ATRNL1: variants seen among roughly 807,000 people sequenced by gnomAD.
ATRNL1 encodes attractin like 1.
ATRNL1 carries 95 observed loss-of-function variants against 182.7 expected under a neutral mutation model. The observed-to-expected ratio is 0.52, with a 90% CI of 0.44 to 0.62. ATRNL1 has a LOEUF of 0.62. ATRNL1 is among the 20% of genes least tolerant of loss of function. ATRNL1 has a pLI of 0.00. For synonymous variants in ATRNL1, 576 were observed against 568.3 expected, an observed-to-expected ratio of 1.01 and a Z score of -0.19; for missense variants, 1,471 against 1,679.5, an observed-to-expected ratio of 0.88 and a Z score of 2.17.
At chr10:115,601,146 G>C (rs1856574609) in intron 26 of ATRNL1, among the ~76,000 whole-genome samples, 1 of 151,774 alleles carries the variant, frequency 6.6e-6, no homozygotes. Flanking sequence ...TTACTTAAAA[G>C]TATTTTGTAT....
chr10:115,094,137 C>A, intron 1 of ATRNL1, 94 bp downstream of exon 1: 1 of 1,206,312 alleles, frequency 8.3e-7, no homozygotes, highest in Non-Finnish European at 1.1e-6. Context: ...GCCCCCGTCG[C>A]TGCCTCTGAT....
At chr10:115,344,792 A>C (rs1554939275) in intron 19 of ATRNL1, among the ~76,000 whole-genome samples, 1 of 152,154 alleles carries the variant, frequency 6.6e-6, no homozygotes. Context: ...CTCAACATAG[A>C]ACGTGGGTAT....
intron 26 of ATRNL1, among the ~76,000 whole-genome samples, chr10:115,566,622 T>A (rs142916035): frequency 2.0e-5 from 3 of 152,134 alleles, no homozygotes; most frequent in Non-Finnish European, 4.4e-5. Flanking sequence ...GAGTGGAGTA[T>A]GTAAGAAAGC....
intron 20 of ATRNL1, among the ~76,000 whole-genome samples, chr10:115,405,329 G>C (rs1353837034): frequency 6.6e-6 from 1 of 152,146 alleles, no homozygotes; most frequent in Non-Finnish European, 1.5e-5. Flanking sequence ...ATGCATGTGT[G>C]TTATAGGATG....
intron 28 of ATRNL1, among the ~76,000 whole-genome samples, chr10:115,850,861 G>C (rs1354401989): frequency 9.9e-5 from 15 of 152,126 alleles, no homozygotes; most frequent in Admixed American, 9.8e-4. Context: ...AGGGTGACAG[G>C]TTGGGGGAGT....
At chr10:115,778,957 T>C (rs1303506588) in intron 27 of ATRNL1, among the ~76,000 whole-genome samples, 1 of 152,098 alleles carries the variant, frequency 6.6e-6, no homozygotes, top group East Asian at 1.9e-4. Flanking sequence ...CAAAGTGGGG[T>C]TCAGTAAGTT....
intron 26 of ATRNL1, among the ~76,000 whole-genome samples, chr10:115,592,647 G>A (rs1457669117): frequency 4.6e-5 from 7 of 152,080 alleles, no homozygotes; most frequent in South Asian, 2.1e-4. Flanking sequence ...TATGACTAGC[G>A]TCATTCACTT....
intron 28 of ATRNL1, among the ~76,000 whole-genome samples, chr10:115,875,926 A>G (rs1232502627): frequency 1.3e-5 from 2 of 152,232 alleles, no homozygotes; most frequent in Non-Finnish European, 2.9e-5. Context: ...GAAACTTTGA[A>G]GGATGACTGG....
At chr10:115,610,742 G>A (rs1396500101) in intron 26 of ATRNL1, among the ~76,000 whole-genome samples, 1 of 152,074 alleles carries the variant, frequency 6.6e-6, no homozygotes, top group Non-Finnish European at 1.5e-5. Flanking sequence ...CTAAGCACAC[G>A]ATAAATGTTA....
intron 26 of ATRNL1, among the ~76,000 whole-genome samples, chr10:115,557,254 T>G (rs1554997262): frequency 1.3e-5 from 2 of 152,164 alleles, no homozygotes; most frequent in African/African-American, 2.4e-5. Flanking sequence ...AGGCAGGAGT[T>G]GCATCTGGCA....
chr10:115,238,673 C>G (rs2133812381), intron 9 of ATRNL1, among the ~76,000 whole-genome samples: 1 of 152,166 alleles, frequency 6.6e-6, no homozygotes, highest in Non-Finnish European at 1.5e-5. Flanking sequence ...ACTTCGTAGA[C>G]AGTCATATCA....
At chr10:115,893,662 C>T (rs1164951392) in intron 28 of ATRNL1, among the ~76,000 whole-genome samples, 6 of 152,134 alleles carry the variant, frequency 3.9e-5, no homozygotes, top group African/African-American at 1.4e-4. Flanking sequence ...ATTCAGAAAA[C>T]AGAGTTCCAG....
intron 1 of ATRNL1, among the ~76,000 whole-genome samples, chr10:115,104,379 G>T (rs1843909627): frequency 6.6e-6 from 1 of 151,994 alleles, no homozygotes; most frequent in South Asian, 2.1e-4. Flanking sequence ...GCATATTTTT[G>T]AATTGGATTA....
At chr10:115,645,435 A>ATATATAATATAGATTTATATATC (rs1555031925) in intron 26 of ATRNL1, among the ~76,000 whole-genome samples, 2 of 147,712 alleles carry the variant, frequency 1.4e-5, no homozygotes, top group African/African-American at 4.9e-5. Context: ...ATATTTGTAT[A>ATATATAATATAGATTTATATATC]TATATAATAT....
chr10:115,583,183 G>A (rs1396520974), intron 26 of ATRNL1, among the ~76,000 whole-genome samples: 1 of 148,874 alleles, frequency 6.7e-6, no homozygotes, highest in African/African-American at 2.4e-5. Context: ...GTAGTGTGAT[G>A]CCTCCAGCTT....
At chr10:115,502,980 G>A (rs1315710453) in intron 24 of ATRNL1, among the ~76,000 whole-genome samples, 5 of 151,974 alleles carry the variant, frequency 3.3e-5, no homozygotes, top group African/African-American at 1.2e-4. Flanking sequence ...TTAATTTCTG[G>A]CCCTGTATGT....
chr10:115,723,978 T>C (rs1947516117), intron 26 of ATRNL1, among the ~76,000 whole-genome samples: 1 of 152,180 alleles, frequency 6.6e-6, no homozygotes, highest in Admixed American at 6.5e-5. Flanking sequence ...TTCACAACAA[T>C]GTTTATGGCA....
chr10:115,405,507 G>C (rs1047364069), intron 20 of ATRNL1, among the ~76,000 whole-genome samples: 34 of 152,158 alleles, frequency 2.2e-4, no homozygotes, highest in African/African-American at 7.2e-4. Context: ...TCTTGTTTTG[G>C]CAATTTGCCG....
intron 26 of ATRNL1, among the ~76,000 whole-genome samples, chr10:115,703,123 G>A (rs1946790284): frequency 6.6e-6 from 1 of 151,814 alleles, no homozygotes; most frequent in Non-Finnish European, 1.5e-5. Flanking sequence ...ATGGCCCTGT[G>A]GTCTTTGACA....
Sources: allele counts gnomAD v4.1 joint callset (sites outside exome capture counted in the v4.1 genomes callset), GRCh38; gene constraint gnomAD v4.1.1; transcripts MANE v1.5; gene names NCBI Gene and HGNC (gene_info 2026-07-23, HGNC 2026-07-21).